Variants in CTNNBL1 observed in about 807,000 individuals in gnomAD.
CTNNBL1 encodes the protein beta-catenin-like protein 1.
In CTNNBL1, 31 loss-of-function variants were observed where a neutral mutation model predicts 72.7. The ratio of observed to expected loss-of-function variants is 0.43; its 90% CI spans 0.32 to 0.58. CTNNBL1 has a LOEUF of 0.58. Ranked by LOEUF, CTNNBL1 falls within the 20% of genes least tolerant of loss-of-function variation. The pLI, the probability that CTNNBL1 is intolerant of heterozygous loss-of-function variation, is 0.08. For missense variants in CTNNBL1, 534 were observed against 725.1 expected, an observed-to-expected ratio of 0.74 and a Z score of 3.03; for synonymous variants, 240 against 267.3, an observed-to-expected ratio of 0.90 and a Z score of 1.00.
At chr20:37,703,238 A>C (rs1158375310) in intron 1 of CTNNBL1, among the ~76,000 whole-genome samples, 1 of 152,248 alleles carries the variant, frequency 6.6e-6, no homozygotes, top group Non-Finnish European at 1.5e-5. Flanking sequence ...CATTCGTGTA[A>C]TACTAGTAAC....
chr20:37,734,825 A>C (rs2073158604), intron 2 of CTNNBL1, among the ~76,000 whole-genome samples: 1 of 152,224 alleles, frequency 6.6e-6, no homozygotes, highest in South Asian at 2.1e-4. Context: ...GATGACTAAG[A>C]CTGATAATTC....
intron 1 of CTNNBL1, among the ~76,000 whole-genome samples, chr20:37,699,879 A>C (rs961947921): frequency 6.6e-6 from 1 of 152,190 alleles, no homozygotes; most frequent in African/African-American, 2.4e-5. Flanking sequence ...ATTGGTTTGC[A>C]GATTTTTGAG....
chr20:37,793,352 AC>A (rs1396544138), intron 10 of CTNNBL1, among the ~76,000 whole-genome samples: 1 of 152,146 alleles, frequency 6.6e-6, no homozygotes, highest in African/African-American at 2.4e-5. Context: ...TGTTTAATCG[AC>A]CCTTTTATTA....
chr20:37,713,155 CAA>C lies in CTNNBL1; in HGVS notation c.30+19006_30+19007del, dbSNP rs1311461790. On this transcript the variant is annotated intron_variant, in intron 1 of 15. Transcript: ENST00000361383. ...CTGAAGATTTCTTTTTCCATTCCCACAAAACTTGCAAGGACACAGAAGGCTCA... is the reference window on the plus strand; with the variant it reads ...CTGAAGATTTCTTTTTCCATTCCCACAACTTGCAAGGACACAGAAGGCTCA... Among the ~76,000 whole-genome samples the C allele has an allele frequency of 2.0e-5, 3 of 152,110 alleles. No homozygotes were observed. The East Asian group carries it at 5.8e-4, about 29-fold the overall frequency.
At chr20:37,713,385 G>A (rs1373357293) in intron 1 of CTNNBL1, among the ~76,000 whole-genome samples, 2 of 152,176 alleles carry the variant, frequency 1.3e-5, no homozygotes, top group Non-Finnish European at 2.9e-5. Context: ...GAGCAGAATG[G>A]AGACTGGTTA....
At chr20:37,718,289 A>G (rs1222830982) in intron 1 of CTNNBL1, among the ~76,000 whole-genome samples, 2 of 118,950 alleles carry the variant, frequency 1.7e-5, no homozygotes, top group East Asian at 2.6e-4. Context: ...CGGGGGGCTG[A>G]CCCCCCCACC....
chr20:37,785,153 A>G (rs145343379), intron 10 of CTNNBL1, among the ~76,000 whole-genome samples: 1,530 of 151,798 alleles, frequency 0.01, 18 homozygotes, highest in Non-Finnish European at 0.014. Context: ...ACTCCATTGT[A>G]TATATTATTT....
chr20:37,792,737 C>T (rs1240530217), intron 10 of CTNNBL1, among the ~76,000 whole-genome samples: 3 of 150,246 alleles, frequency 2.0e-5, no homozygotes, highest in African/African-American at 7.3e-5. Flanking sequence ...AAGGATACCC[C>T]TAAGGGATAC....
chr20:37,714,657 T>A lies in CTNNBL1; in HGVS notation c.31-18222T>A, dbSNP rs6020422. On this transcript the variant is annotated intron_variant, in intron 1 of 15. Coordinates refer to ENST00000361383, the MANE Select transcript of CTNNBL1 (RefSeq NM_030877.5). ...TGCCAAAGATTTGTTGCAAGTCTACTGTGGGCCATGATTGCTGTTTTCTCT... is the reference window on the plus strand; with the variant it reads ...TGCCAAAGATTTGTTGCAAGTCTACAGTGGGCCATGATTGCTGTTTTCTCT... Among the ~76,000 whole-genome samples the A allele has an allele frequency of 1.7e-3, 261 of 152,378 alleles. 3 individuals carry two copies. Among genetic ancestry groups the A allele is most frequent in the African/African-American group, 6.0e-3 (250 of 41,592 alleles).
intron 11 of CTNNBL1, among the ~76,000 whole-genome samples, chr20:37,811,931 A>G (rs1190986689): frequency 6.6e-6 from 1 of 152,246 alleles, no homozygotes; most frequent in African/African-American, 2.4e-5. Flanking sequence ...CGTTTAGCAC[A>G]TTAGTGACAA....
intron 13 of CTNNBL1, among the ~76,000 whole-genome samples, chr20:37,858,518 C>T (rs2072462464): frequency 6.6e-6 from 1 of 152,140 alleles, no homozygotes; most frequent in Non-Finnish European, 1.5e-5. Context: ...CCCGGAATCC[C>T]AAGGGGGGAA....
At chr20:37,848,327 G>A (rs1600526767) in intron 13 of CTNNBL1, among the ~76,000 whole-genome samples, 1 of 151,930 alleles carries the variant, frequency 6.6e-6, no homozygotes, top group East Asian at 1.9e-4. Flanking sequence ...GCTAATGTTT[G>A]CATTTTTTTG....
chr20:37,734,101 GT>G (rs1186687198), intron 2 of CTNNBL1, among the ~76,000 whole-genome samples: 3 of 152,270 alleles, frequency 2.0e-5, no homozygotes, highest in Non-Finnish European at 2.9e-5. Context: ...AGAGCCAGCT[GT>G]TTTTTGGTTC....
intron 13 of CTNNBL1, among the ~76,000 whole-genome samples, chr20:37,843,131 C>G (rs922241999): frequency 1.3e-5 from 2 of 152,284 alleles, no homozygotes; most frequent in Middle Eastern, 3.4e-3. Context: ...GTAAGTTTTC[C>G]TATCACTGTT....
chr20:37,850,695 T>G lies in CTNNBL1; in HGVS notation c.1392+8276T>G, dbSNP rs186048902. On this transcript the variant is annotated intron_variant, in intron 13 of 15. Transcript: ENST00000361383. ...TGCTGGTGTTGATGCTTCTCCCATC[T>G]CTAGTTACTTCCCTCTCCCGTGGTT... 2.0e-5 allele frequency among the ~76,000 whole-genome samples: 3 copies of G among 152,326 alleles called. No homozygotes were observed. In the East Asian group the frequency reaches 5.8e-4, roughly 29 times the overall value.
At chr20:37,740,222 A>G (rs189036009) in intron 3 of CTNNBL1, among the ~76,000 whole-genome samples, 1 of 152,322 alleles carries the variant, frequency 6.6e-6, no homozygotes, top group African/African-American at 2.4e-5. Context: ...AAAAGCAGTT[A>G]GGAAACTACA....
At chr20:37,805,772 A>G (rs562470909) in intron 11 of CTNNBL1, among the ~76,000 whole-genome samples, 11 of 152,306 alleles carry the variant, frequency 7.2e-5, no homozygotes, top group East Asian at 5.8e-4. Context: ...TCTTCTGTTC[A>G]GTGGACTCTT....
intron 5 of CTNNBL1, among the ~76,000 whole-genome samples, chr20:37,758,906 C>T (rs957528397): frequency 2.6e-5 from 4 of 152,142 alleles, no homozygotes; most frequent in African/African-American, 9.7e-5. Flanking sequence ...CCCGAAACCC[C>T]ACTGCTACAC....
At chr20:37,782,862 A>G (rs1431804841) in intron 10 of CTNNBL1, among the ~76,000 whole-genome samples, 2 of 152,184 alleles carry the variant, frequency 1.3e-5, no homozygotes, top group Admixed American at 6.5e-5. Context: ...TTGTCCAAAG[A>G]TACTTAAATG....
Sources: gnomAD v4.1 joint callset for allele counts (sites outside exome capture counted in the v4.1 genomes callset) on GRCh38, gnomAD v4.1.1 for gene constraint, MANE v1.5 for transcripts, NCBI Gene and HGNC (gene_info 2026-07-23, HGNC 2026-07-21) for gene names.